TMEM272: variants seen among roughly 807,000 people sequenced by gnomAD.
TMEM272 encodes transmembrane protein 272, also known as long intergenic non-protein coding RNA 282.
A neutral mutation model predicts 3.7 loss-of-function variants in TMEM272; 8 were observed. The observed-to-expected ratio is 2.17, with a 90% CI of 1.27 to 3.91. The LOEUF (loss-of-function observed/expected upper bound fraction) is 3.91. TMEM272 is among the 30% of genes most tolerant of loss of function. The pLI, the probability that TMEM272 is intolerant of heterozygous loss-of-function variation, is 0.00. For missense variants in TMEM272, 166 were observed against 91.5 expected (o/e 1.81, Z -3.32); for synonymous variants, 63 against 39.8 (o/e 1.58, Z -2.20).
At chr13:51,859,267 A>G in the TMEM272 span, among the ~76,000 whole-genome samples, 1 of 152,100 alleles carries the variant, frequency 6.6e-6, no homozygotes, top group African/African-American at 2.4e-5. Flanking sequence ...CCAATAACTG[A>G]AAAAGAAAAA....
chr13:51,818,373 G>A (rs989432517), intron 4 of TMEM272, among the ~76,000 whole-genome samples: 4 of 152,204 alleles, frequency 2.6e-5, no homozygotes, highest in Non-Finnish European at 5.9e-5. Flanking sequence ...ATTTGGACTT[G>A]TTCCATTTAA....
the TMEM272 span, among the ~76,000 whole-genome samples, chr13:51,879,646 A>G: frequency 6.6e-6 from 1 of 152,192 alleles, no homozygotes; most frequent in Non-Finnish European, 1.5e-5. Flanking sequence ...CTTCTCACAC[A>G]CACCCGCCCA....
At chr13:51,838,659 A>C (rs1956236150) in intron 1 of TMEM272, 106 bp from the exon 2 acceptor site, 1 of 688,704 alleles carries the variant, frequency 1.5e-6, no homozygotes, top group South Asian at 1.5e-5. Flanking sequence ...GGGTGGTCTC[A>C]GTCAGCCCGG....
Position 51,817,013 on chromosome 13 carries a change from T to G in TMEM272, c.302A>C (p.Asn101Thr), listed in dbSNP as rs1156548221. Reference protein sequence around the residue: ...DDDDEYPWRQNAHRYYIHLLL... With the variant: ...DDDDEYPWRQTAHRYYIHLLL... ...GAGGTGGATGTAGTATCTGTGCGCA[T>G]TCTGCCTCCAGGGGTATTCGTCATC... Residue 101 changes from asparagine to threonine, a missense_variant, in exon 5 of 5, where the codon AAT (asparagine) becomes ACT (threonine). Transcript: ENST00000629372. 1.4e-6 allele frequency: 1 copy of G among 702,888 alleles called. No homozygotes were observed. Among genetic ancestry groups the G allele is most frequent in the Non-Finnish European group, 2.6e-6 (1 of 385,006 alleles). The allele number at this position is 702,888 out of a possible 1,614,324, so 43.5% of individuals were successfully genotyped here. A position where few individuals can be genotyped will look rare whatever the true frequency, so the allele number is the denominator to read the frequency against.
the TMEM272 span, among the ~76,000 whole-genome samples, chr13:51,917,784 C>T: frequency 2.6e-5 from 4 of 152,286 alleles, no homozygotes; most frequent in East Asian, 5.8e-4. Flanking sequence ...AGCAGCTACC[C>T]GATAAATCAC....
chr13:51,854,369 G>A, the TMEM272 span, among the ~76,000 whole-genome samples: 2 of 152,164 alleles, frequency 1.3e-5, no homozygotes, highest in Non-Finnish European at 2.9e-5. Flanking sequence ...ATCAGTGCAC[G>A]ATCACTTTCC....
At chr13:51,904,394 T>C in the TMEM272 span, among the ~76,000 whole-genome samples, 4 of 152,232 alleles carry the variant, frequency 2.6e-5, no homozygotes, top group South Asian at 2.1e-4. Context: ...CCTAAGGTAA[T>C]TGTTGTTGAT....
intron 2 of TMEM272, among the ~76,000 whole-genome samples, chr13:51,831,005 G>A (rs915160077): frequency 1.2e-4 from 18 of 152,156 alleles, no homozygotes; most frequent in African/African-American, 3.9e-4. Flanking sequence ...ACTCTTGCTC[G>A]AAGTCTAATG....
At chr13:51,929,622 G>A in the TMEM272 span, among the ~76,000 whole-genome samples, 3 of 152,202 alleles carry the variant, frequency 2.0e-5, no homozygotes, top group Non-Finnish European at 4.4e-5. Context: ...CAACTCCTAA[G>A]GAAAGCACCA....
the TMEM272 span, among the ~76,000 whole-genome samples, chr13:51,855,539 T>C: frequency 6.6e-6 from 1 of 152,038 alleles, no homozygotes; most frequent in East Asian, 1.9e-4. Context: ...TAACTACAAT[T>C]AATAAATGGA....
chr13:51,891,751 T>TA, the TMEM272 span, among the ~76,000 whole-genome samples: 2 of 152,184 alleles, frequency 1.3e-5, no homozygotes, highest in Non-Finnish European at 2.9e-5. Context: ...GACTGTGTCT[T>TA]ATTCATTTTT....
intron 1 of TMEM272, among the ~76,000 whole-genome samples, chr13:51,843,127 T>C (rs192433990): frequency 9.7e-4 from 148 of 152,372 alleles, no homozygotes; most frequent in Admixed American, 1.4e-3. Flanking sequence ...TATTTTAATT[T>C]ACATTTTTGA....
At chr13:51,905,580 C>T in the TMEM272 span, among the ~76,000 whole-genome samples, 3 of 152,220 alleles carry the variant, frequency 2.0e-5, no homozygotes, top group Non-Finnish European at 4.4e-5. Flanking sequence ...TCCCTCGCAG[C>T]GGCGCGGTCG....
At chr13:51,919,942 G>GGAAGGAAGGAAAGGAA in the TMEM272 span, among the ~76,000 whole-genome samples, 2 of 152,114 alleles carry the variant, frequency 1.3e-5, no homozygotes, top group African/African-American at 4.8e-5. Flanking sequence ...AAGGAGAAAA[G>GGAAGGAAGGAAAGGAA]GAAGGAAGGA....
At chr13:51,833,344 T>C (rs1214585914) in intron 2 of TMEM272, among the ~76,000 whole-genome samples, 3 of 152,092 alleles carry the variant, frequency 2.0e-5, no homozygotes, top group East Asian at 3.9e-4. Context: ...GGGTTTGCAA[T>C]TGGAAAGCAG....
At chr13:51,917,269 G>A in the TMEM272 span, among the ~76,000 whole-genome samples, 1 of 152,208 alleles carries the variant, frequency 6.6e-6, no homozygotes, top group Non-Finnish European at 1.5e-5. Flanking sequence ...TGGTGGGGAT[G>A]TGATGCTGCC....
intron 3 of TMEM272, among the ~76,000 whole-genome samples, chr13:51,822,620 G>C (rs1956089646): frequency 1.3e-5 from 2 of 152,176 alleles, no homozygotes; most frequent in African/African-American, 4.8e-5. Context: ...GCAGGGAGGA[G>C]CCGCTCTTCC....
intron 1 of TMEM272, among the ~76,000 whole-genome samples, chr13:51,843,022 T>C (rs567449329): frequency 6.6e-6 from 1 of 152,344 alleles, no homozygotes; most frequent in Non-Finnish European, 1.5e-5. Flanking sequence ...CCACCAGCAA[T>C]ATGAGAGTGG....
chr13:51,899,916 A>G, the TMEM272 span, among the ~76,000 whole-genome samples: 28 of 152,242 alleles, frequency 1.8e-4, no homozygotes, highest in Admixed American at 1.8e-3. Context: ...AGTCTTTTCA[A>G]TAAGTGGTGC....
Sources: allele counts gnomAD v4.1 joint callset (sites outside exome capture counted in the v4.1 genomes callset), GRCh38; gene constraint gnomAD v4.1.1; transcripts MANE v1.5; gene names NCBI Gene and HGNC (gene_info 2026-07-23, HGNC 2026-07-21).